The following MMADHC variants were observed in gnomAD, a reference collection of about 807,000 sequenced individuals.
MMADHC encodes cobalamin trafficking protein CblD.
Under a neutral mutation model 36.3 loss-of-function variants are expected in MMADHC, and 23 were observed. The ratio of observed to expected loss-of-function variants is 0.63; its 90% confidence interval spans 0.46 to 0.90. MMADHC has a LOEUF of 0.90. MMADHC is among the 40% of genes least tolerant of loss of function. The probability of loss-of-function intolerance (pLI) is 0.00; values close to 1 mark genes in which losing one functional copy is unlikely to be tolerated. For synonymous variants in MMADHC, 97 were observed against 116.1 expected, an observed-to-expected ratio of 0.84 and a Z score of 1.06; for missense variants, 330 against 348.0, an observed-to-expected ratio of 0.95 and a Z score of 0.41.
chr2:149,585,464 C>T (rs755039816), intron 2 of MMADHC, among the ~76,000 whole-genome samples: 20 of 152,168 alleles, frequency 1.3e-4, no homozygotes, highest in Non-Finnish European at 2.2e-4. Context: ...TTGTGCATCC[C>T]ACAGTGTTGC....
rs556339625 is a variant in MMADHC, at chr2:149,580,448, A to G, written c.155-800T>C. Among the ~76,000 whole-genome samples the G allele has an allele frequency of 2.8e-4, 42 of 152,270 alleles. 1 individual carries two copies. The highest frequency in any genetic ancestry group is 8.4e-4 in the African/African-American group (35 of 41,550). Reference sequence around the variant, plus strand: ...GGATTGCAAATATAGAACAGACCACATTACTTTATTCACTTAAAACTTTAA... The same window carrying G: ...GGATTGCAAATATAGAACAGACCACGTTACTTTATTCACTTAAAACTTTAA... On this transcript the variant is annotated intron_variant, in intron 3 of 7. Transcript: ENST00000303319.
intron 3 of MMADHC, among the ~76,000 whole-genome samples, chr2:149,580,452 C>T (rs1253884885): frequency 6.6e-6 from 1 of 152,032 alleles, no homozygotes; most frequent in Non-Finnish European, 1.5e-5. Flanking sequence ...GACCACATTA[C>T]TTTATTCACT....
In MMADHC at chr2:149,580,010, A is replaced by G. The variant is rs577105856; in HGVS notation, c.155-362T>C. Among the ~76,000 whole-genome samples, 259 of 152,360 alleles carry G rather than the reference A, an allele frequency of 1.7e-3. 1 individual carries two copies. Among genetic ancestry groups the G allele is most frequent in the African/African-American group, 6.0e-3 (249 of 41,584 alleles). ...TAAGTCAAAGAACAGCATGTATAAT[A>G]ACATTTATTTACATCCCCATATTCA... On this transcript the variant is annotated intron_variant, in intron 3 of 7. Transcript: ENST00000303319.
intron 3 of MMADHC, among the ~76,000 whole-genome samples, chr2:149,580,164 C>A (rs1211580139): frequency 6.6e-6 from 1 of 152,132 alleles, no homozygotes; most frequent in Non-Finnish European, 1.5e-5. Context: ...CACCACTATG[C>A]CCAGCTAATT....
In MMADHC at chr2:149,582,280, G is replaced by C. The variant is rs376032730; in HGVS notation, c.10-9C>G. 30 of 1,612,964 alleles carry C rather than the reference G, an allele frequency of 1.9e-5. No homozygotes were observed. In the African/African-American group the frequency reaches 3.2e-4, roughly 17 times the overall value. On this transcript the variant is annotated splice_polypyrimidine_tract_variant and intron_variant, in intron 2 of 7. Coordinates refer to ENST00000303319, the MANE Select transcript of MMADHC (RefSeq NM_015702.3). ...GCTCTGTTACAAAGCACCTAGAAAT[G>C]ACACAAAATTAAAACTATTTGTTCT...
chr2:149,586,411 A>C (rs772381313), intron 2 of MMADHC, among the ~76,000 whole-genome samples: 9 of 152,178 alleles, frequency 5.9e-5, no homozygotes, highest in African/African-American at 2.2e-4. Context: ...CTTCCCGCTC[A>C]TATTTTAGAC....
chr2:149,581,253 A>G (rs1472280632), intron 3 of MMADHC, among the ~76,000 whole-genome samples: 2 of 152,124 alleles, frequency 1.3e-5, no homozygotes, highest in Non-Finnish European at 2.9e-5. Context: ...TATATTCCAG[A>G]TACTAACATC....
Position 149,569,733 on chromosome 2 carries a change from T to C in MMADHC, c.*241A>G, listed in dbSNP as rs528409808. On this transcript the variant is annotated 3_prime_UTR_variant, in exon 8 of 8. Transcript: ENST00000303319. ...GAAATAACAATAGCAGATCATACCCTGGTTACAAGCTAATTACCACATCCT... is the reference window on the plus strand; with the variant it reads ...GAAATAACAATAGCAGATCATACCCCGGTTACAAGCTAATTACCACATCCT... 26 of 384,144 alleles carry C rather than the reference T, an allele frequency of 6.8e-5. No individual in the cohort carries two copies. The highest frequency in any genetic ancestry group is 1.7e-4 in the East Asian group (4 of 22,918). 23.8% of individuals were successfully genotyped at this position (384,144 alleles called of 1,614,324 possible). A position where few individuals can be genotyped will look rare whatever the true frequency, so the allele number is the denominator to read the frequency against.
intron 3 of MMADHC, among the ~76,000 whole-genome samples, 178 bp from the exon 4 acceptor site, chr2:149,579,826 A>AT (rs983726561): frequency 1.6e-4 from 24 of 152,226 alleles, no homozygotes; most frequent in Admixed American, 1.3e-3. Context: ...AAAGCAACTG[A>AT]TTGACAGATC....
At position 149,576,444 on chromosome 2, in the gene MMADHC, C is replaced by T. The variant is rs752959009; in HGVS notation, c.471G>A (p.Leu157=). 10 of 1,604,892 alleles carry T rather than the reference C, an allele frequency of 6.2e-6. No individual in the cohort carries two copies. Among genetic ancestry groups the T allele is most frequent in the Non-Finnish European group, 8.5e-6 (10 of 1,171,816 alleles). The change falls in exon 5 of 8, where the codon CTG becomes CTA. Residue 157 remains leucine, a synonymous_variant. Coordinates refer to ENST00000303319, the MANE Select transcript of MMADHC (RefSeq NM_015702.3). ...GTATAAAGCATGACATACCTTTTCG[C>T]AGCAATTCTGGACATGTCTGTATTG... ...ECAIQTCPEL[L]RKDFESLFPE...
At chr2:149,571,324 T>TA (rs1187682157) in intron 6 of MMADHC, among the ~76,000 whole-genome samples, 153 bp from the exon 7 acceptor site, 5 of 152,194 alleles carry the variant, frequency 3.3e-5, no homozygotes, top group African/African-American at 1.2e-4. Flanking sequence ...TGTAAAGGCG[T>TA]AAGATTCTTT....
At chr2:149,572,751 C>CGAGT (rs976916567) in intron 6 of MMADHC, among the ~76,000 whole-genome samples, 24 of 152,210 alleles carry the variant, frequency 1.6e-4, no homozygotes, top group African/African-American at 4.8e-4. Context: ...CTGAGCTGTG[C>CGAGT]ACTCATGAGG....
At position 149,576,530 on chromosome 2, in the gene MMADHC, G is replaced by A. The variant is rs367779384; in HGVS notation, c.385C>T (p.Pro129Ser). ...YVNEFQGNDA[P>S]VEQEINSAET... is the part of the protein sequence containing the mutation. The stretch of plus-strand genomic sequence containing the variant: ...GCACTGTTAATTTCTTGTTCAACAG[G>A]TGCATCATTACCCTAAGGGGAACAA... The change falls in exon 5 of 8, where the codon CCT becomes TCT. Residue 129 changes from proline to serine, a missense_variant. Physicochemically the swap from Pro to Ser is moderately conservative, Grantham distance 74. Coordinates refer to ENST00000303319, the MANE Select transcript of MMADHC (RefSeq NM_015702.3). 3 of 1,611,534 alleles carry A rather than the reference G, an allele frequency of 1.9e-6. No homozygotes were observed. Among genetic ancestry groups the A allele is most frequent in the African/African-American group, 2.7e-5 (2 of 74,820 alleles).
In MMADHC at chr2:149,569,959, G is replaced by A. The variant is rs752621371; in HGVS notation, c.*15C>T. 1.2e-6 allele frequency: 2 copies of A among 1,606,814 alleles called. No individual in the cohort carries two copies. The highest frequency in any genetic ancestry group is 1.7e-5 in the Admixed American group (1 of 59,972). Reference sequence around the variant, plus strand: ...ATTACATACAAATAGTACAGCAAATGAATGGATATTTCTGCTAATTTCCAC... The same window carrying A: ...ATTACATACAAATAGTACAGCAAATAAATGGATATTTCTGCTAATTTCCAC... On this transcript the variant is annotated 3_prime_UTR_variant, in exon 8 of 8. Coordinates refer to ENST00000303319, the MANE Select transcript of MMADHC (RefSeq NM_015702.3).
At chr2:149,581,575 CT>C (rs1475894175) in intron 3 of MMADHC, among the ~76,000 whole-genome samples, 2 of 152,136 alleles carry the variant, frequency 1.3e-5, no homozygotes, top group African/African-American at 4.8e-5. Flanking sequence ...GACTATCCCC[CT>C]ACCCCCACTT....
At chr2:149,572,024 C>CTTCTCTG (rs1305611714) in intron 6 of MMADHC, among the ~76,000 whole-genome samples, 1 of 152,024 alleles carries the variant, frequency 6.6e-6, no homozygotes, top group African/African-American at 2.4e-5. Context: ...ATTATATACT[C>CTTCTCTG]TTCTCTGTTT....
chr2:149,582,387 A>G, intron 2 of MMADHC, 116 bp from the exon 3 acceptor site: 2 of 922,742 alleles, frequency 2.2e-6, no homozygotes, highest in Non-Finnish European at 3.4e-6. Context: ...CATTTATTCT[A>G]CTTTTACTGA....
chr2:149,578,363 T>C (rs760577492), intron 4 of MMADHC, among the ~76,000 whole-genome samples: 2 of 152,134 alleles, frequency 1.3e-5, no homozygotes, highest in Non-Finnish European at 2.9e-5. Flanking sequence ...ATTCCACTAA[T>C]AGTATTGGTT....
intron 6 of MMADHC, chr2:149,572,452 T>A (rs1235795667): frequency 1.5e-5 from 3 of 197,112 alleles, no homozygotes; most frequent in African/African-American, 7.2e-5. Context: ...AGTTAACTAT[T>A]TTTGGACCCT....
Sources: gnomAD v4.1 joint callset for allele counts (sites outside exome capture counted in the v4.1 genomes callset) on GRCh38, gnomAD v4.1.1 for gene constraint, MANE v1.5 for transcripts, NCBI Gene and HGNC (gene_info 2026-07-23, HGNC 2026-07-21) for gene names.